TMCO6: variants seen among roughly 807,000 people sequenced by gnomAD.
TMCO6 encodes transmembrane and coiled-coil domain-containing protein 6.
TMCO6 carries 47 observed loss-of-function variants against 61.8 expected under a neutral mutation model. That is an observed-to-expected ratio of 0.76 (90% CI 0.60 to 0.97). TMCO6 has a LOEUF of 0.97. Ranked by LOEUF, TMCO6 falls within the 50% of genes least tolerant of loss-of-function variation. TMCO6 has a pLI of 0.00. For missense variants in TMCO6, 557 were observed against 601.6 expected, an observed-to-expected ratio of 0.93 and a Z score of 0.78; for synonymous variants, 261 against 254.2, an observed-to-expected ratio of 1.03 and a Z score of -0.25.
chr5:140,614,885 G>A, the TMCO6 span, among the ~76,000 whole-genome samples: 1 of 152,320 alleles, frequency 6.6e-6, no homozygotes, highest in South Asian at 2.1e-4. Flanking sequence ...ACAGGCATGA[G>A]CCACCTCGCC....
chr5:140,632,427 G>T, the TMCO6 span: 1 of 1,614,080 alleles, frequency 6.2e-7, no homozygotes, highest in African/African-American at 1.3e-5. The surrounding 1 kb of genome is among the most constrained non-coding windows in gnomAD (Gnocchi z 6.2). Context: ...CTGTTCGCAG[G>T]AAAAGGCAGG....
chr5:140,618,111 A>G, the TMCO6 span, among the ~76,000 whole-genome samples: 1 of 152,306 alleles, frequency 6.6e-6, no homozygotes, highest in African/African-American at 2.4e-5. Flanking sequence ...ACTCACATAT[A>G]TATTGTCAAC....
At chr5:140,647,267 C>A, downstream of TMCO6, 5 of 1,552,280 alleles carry the variant, frequency 3.2e-6, no homozygotes, top group East Asian at 6.8e-5. Flanking sequence ...GTAGCGGGCC[C>A]AGAGCTTGGG....
At chr5:140,611,125 A>C in the TMCO6 span, among the ~76,000 whole-genome samples, 1 of 152,170 alleles carries the variant, frequency 6.6e-6, no homozygotes, top group Admixed American at 6.5e-5. Context: ...GCTTCTAACC[A>C]AGTTAGGTCA....
the TMCO6 span, among the ~76,000 whole-genome samples, chr5:140,626,682 C>T: frequency 0.19 from 29,214 of 152,014 alleles, 3,376 homozygotes; most frequent in East Asian, 0.3. Context: ...TCTTGGCTTG[C>T]TGCACCTCTG....
the TMCO6 span, among the ~76,000 whole-genome samples, chr5:140,625,073 C>G: frequency 1.3e-5 from 2 of 151,964 alleles, no homozygotes; most frequent in Non-Finnish European, 2.9e-5. Flanking sequence ...AGGCTGATCT[C>G]AAACTCCTGA....
At chr5:140,630,524 A>C in the TMCO6 span, among the ~76,000 whole-genome samples, 1 of 152,100 alleles carries the variant, frequency 6.6e-6, no homozygotes, top group Non-Finnish European at 1.5e-5. Context: ...GATGTTTCTG[A>C]TTCATCTTTG....
the TMCO6 span, chr5:140,631,993 AG>A: frequency 6.2e-7 from 1 of 1,614,046 alleles, no homozygotes; most frequent in Admixed American, 1.7e-5. Flanking sequence ...GGGACCAGGA[AG>A]GGATTCCCGT....
At chr5:140,619,608 C>T in the TMCO6 span, among the ~76,000 whole-genome samples, 1 of 151,238 alleles carries the variant, frequency 6.6e-6, no homozygotes, top group South Asian at 2.1e-4. Context: ...CAAATAAGCA[C>T]AACAAAGAAA....
chr5:140,644,961 T>C (rs373547474), intron 11 of TMCO6, 24 bp from the exon 12 acceptor site: 1 of 1,610,576 alleles, frequency 6.2e-7, no homozygotes, highest in African/African-American at 1.3e-5. Context: ...ACCAGGTGTG[T>C]TGAATTTTCT....
chr5:140,635,201 C>G (rs866722455), upstream of TMCO6, among the ~76,000 whole-genome samples: 2 of 152,252 alleles, frequency 1.3e-5, no homozygotes, highest in African/African-American at 4.8e-5. Flanking sequence ...GGGCATACCC[C>G]AATGCACTGG....
At chr5:140,608,725 A>G in the TMCO6 span, among the ~76,000 whole-genome samples, 1 of 152,204 alleles carries the variant, frequency 6.6e-6, no homozygotes, top group Non-Finnish European at 1.5e-5. Flanking sequence ...ATGGATATCC[A>G]GGTGTCCCTT....
chr5:140,643,903 TTC>T lies in TMCO6; in HGVS notation c.1044_1045del (p.Phe350ProfsTer9). On this transcript the variant is annotated frameshift_variant, in exon 9 of 12. Transcript: ENST00000394671. LOFTEE classifies it high-confidence loss of function. Reference protein sequence around the residue: ...VVAALFILLQFFFQKQPSLLP... With the variant: ...VVAALFILLQXFFQKQPSLLP... ...GGCAGCCTTATTTATCCTTCTGCAG[TTC>T]TTTTTCCAGAAACAGCCCAGTCTGC... 1 of 1,614,208 alleles carries T rather than the reference TTC, an allele frequency of 6.2e-7. No individual in the cohort carries two copies. Among genetic ancestry groups the T allele is most frequent in the Non-Finnish European group, 8.5e-7 (1 of 1,180,036 alleles).
chr5:140,641,391 G>A, intron 2 of TMCO6: 1 of 413,152 alleles, frequency 2.4e-6, no homozygotes, highest in South Asian at 3.1e-5. Flanking sequence ...AAAGAACCCT[G>A]TATGAAGGCA....
the TMCO6 span, among the ~76,000 whole-genome samples, chr5:140,615,734 T>C: frequency 6.6e-6 from 1 of 152,202 alleles, no homozygotes; most frequent in Non-Finnish European, 1.5e-5. Context: ...AAAATAGATA[T>C]TCACCTGCAA....
the TMCO6 span, among the ~76,000 whole-genome samples, chr5:140,630,084 G>A: frequency 6.6e-6 from 1 of 151,558 alleles, no homozygotes; most frequent in Admixed American, 6.6e-5. Flanking sequence ...CTGCCTCCCA[G>A]GTTCTAGTGA....
chr5:140,614,306 C>T, the TMCO6 span, among the ~76,000 whole-genome samples: 2 of 152,036 alleles, frequency 1.3e-5, no homozygotes, highest in Admixed American at 1.3e-4. Flanking sequence ...GTCAGGAGTT[C>T]AAGACCAGCC....
In TMCO6 at chr5:140,642,026, C is replaced by T; in HGVS notation, c.471C>T (p.Tyr157=). ...CAGCCACTTCTTACCTCCTCACCTA[C>T]CTCTCCAGTCACAGCTCAGACTTCA... is the stretch of plus-strand genomic sequence containing the variant. ...CLPATSYLLT[Y]LSSHSSDFIE... The change falls in exon 4 of 12, where the codon TAC becomes TAT. Residue 157 remains tyrosine (Y), a synonymous_variant. Transcript: ENST00000394671. 1 of 1,611,428 alleles carries T rather than the reference C, an allele frequency of 6.2e-7. No individual in the cohort carries two copies. The highest frequency in any genetic ancestry group is 8.5e-7 in the Non-Finnish European group (1 of 1,177,724).
chr5:140,624,948 G>C, the TMCO6 span, among the ~76,000 whole-genome samples: 6 of 150,312 alleles, frequency 4.0e-5, no homozygotes, highest in Non-Finnish European at 8.8e-5. Flanking sequence ...CTGCCTCCCA[G>C]GTACAAGTGA....
Sources: gnomAD v4.1 joint callset for allele counts (sites outside exome capture counted in the v4.1 genomes callset) on GRCh38, gnomAD v4.1.1 for gene constraint, Gnocchi (gnomAD v3.1) non-coding constraint, MANE v1.5 for transcripts, NCBI Gene and HGNC (gene_info 2026-07-23, HGNC 2026-07-21) for gene names.